SUCLG2: variants seen among roughly 807,000 people sequenced by gnomAD.
SUCLG2 encodes the protein succinate-CoA ligase GDP-forming subunit beta, also known as succinate--CoA ligase [GDP-forming] subunit beta, mitochondrial.
Under a neutral mutation model 47.9 loss-of-function variants are expected in SUCLG2, and 42 were observed. The ratio of observed to expected loss-of-function variants is 0.88; its 90% CI spans 0.69 to 1.14. The LOEUF is 1.14. SUCLG2 is among the 50% of genes most tolerant of loss of function. The pLI, the probability that SUCLG2 is intolerant of heterozygous loss-of-function variation, is 0.00. For synonymous variants in SUCLG2, 195 were observed against 197.3 expected (o/e 0.99, Z 0.10); for missense variants, 571 against 525.9 (o/e 1.09, Z -0.84).
intron 9 of SUCLG2, among the ~76,000 whole-genome samples, chr3:67,464,405 T>C (rs534031975): frequency 2.6e-4 from 40 of 152,348 alleles, no homozygotes; most frequent in African/African-American, 8.9e-4. Context: ...TTCTTTCAAA[T>C]GGGACATCCC....
chr3:67,463,663 C>T (rs1046884485), intron 9 of SUCLG2, among the ~76,000 whole-genome samples: 3 of 152,166 alleles, frequency 2.0e-5, no homozygotes, highest in African/African-American at 7.2e-5. Context: ...TCAAGAGTTC[C>T]TGTTGGTACC....
In SUCLG2 at chr3:67,495,857, C is replaced by T; in HGVS notation, c.1003G>A (p.Gly335Ser). ...GKPANFLDLGGGVKEAQVYQA... is the reference protein window; with the variant it reads ...GKPANFLDLGSGVKEAQVYQA... ...TATACTTGAGCTTCCTTTACACCAC[C>T]TCCAAGATCCAAGAAGTTGGCTGGC... The change falls in exon 9 of 11, where the codon GGT (glycine) becomes AGT (serine). Residue 335 changes from glycine to serine, a missense_variant. By Grantham distance (56) the Gly-to-Ser change is moderately conservative (BLOSUM62 0). Transcript: ENST00000307227. 2.5e-6 allele frequency: 4 copies of T among 1,614,060 alleles called. No homozygotes were observed. Among genetic ancestry groups the T allele is most frequent in the Non-Finnish European group, 3.4e-6 (4 of 1,179,990 alleles).
At chr3:67,441,709 A>T (rs568845223) in intron 9 of SUCLG2, among the ~76,000 whole-genome samples, 14 of 152,348 alleles carry the variant, frequency 9.2e-5, no homozygotes, top group African/African-American at 3.4e-4. Context: ...ACCCAAGATG[A>T]CATTGCTAGA....
At position 67,412,493 on chromosome 3, in the gene SUCLG2, TG is replaced by T. The variant is rs144210306; in HGVS notation, c.1063-11643del. The stretch of plus-strand genomic sequence containing the variant: ...TCTCCACTCTTTTGCAACCTCCTCT[TG>T]GCCCTGGGAGGCTGACTAGAGAGAA... On this transcript the variant is annotated intron_variant, in intron 9 of 10. Coordinates refer to ENST00000307227, the MANE Select transcript of SUCLG2 (RefSeq NM_003848.4). 2.0e-3 allele frequency among the ~76,000 whole-genome samples: 299 copies of T among 152,308 alleles called. 9 individuals carry two copies. In the East Asian group the frequency reaches 0.051, roughly 26 times the overall value.
rs149886200 is a variant in SUCLG2, at chr3:67,365,438, G to A, written c.1184-4670C>T. 7.8e-3 allele frequency among the ~76,000 whole-genome samples: 1,188 copies of A among 152,318 alleles called. 8 individuals are homozygous for A. Among genetic ancestry groups the A allele is most frequent in the Middle Eastern group, 0.034 (10 of 294 alleles). On this transcript the variant is annotated intron_variant, in intron 10 of 10. Coordinates refer to the SUCLG2 transcript ENST00000493112. ...AAAGGACTCAGAGACCATCAGTGAT[G>A]CTACAGTAACAGTGTTAGACAGTGT...
chr3:67,631,234 G>A (rs9882327), intron 1 of SUCLG2, among the ~76,000 whole-genome samples: 11,361 of 152,166 alleles, frequency 0.075, 707 homozygotes, highest in African/African-American at 0.17. Flanking sequence ...CCTGCTAGTC[G>A]TCCTCACTGG....
rs564952123 is a variant in SUCLG2 at position 67,627,673 on chromosome 3, T to A, written c.85-18077A>T. 5.1e-4 allele frequency among the ~76,000 whole-genome samples: 78 copies of A among 152,356 alleles called. 2 individuals are homozygous for A. The South Asian group carries it at 8.7e-3, about 17-fold the overall frequency. On this transcript the variant is annotated intron_variant, in intron 1 of 10. Transcript: ENST00000307227. ...ATAGGGAGACTAAAGGGCTGGCAGATAGAGATGATATCTGCTCCTTTCTAA... is the reference window on the plus strand; with the variant it reads ...ATAGGGAGACTAAAGGGCTGGCAGAAAGAGATGATATCTGCTCCTTTCTAA...
At chr3:67,474,422 T>G (rs1385440403) in intron 9 of SUCLG2, among the ~76,000 whole-genome samples, 1 of 152,212 alleles carries the variant, frequency 6.6e-6, no homozygotes, top group African/African-American at 2.4e-5. Flanking sequence ...GGTCTCATTC[T>G]ATAGATTTCT....
intron 1 of SUCLG2, among the ~76,000 whole-genome samples, chr3:67,633,451 A>C (rs1326738327): frequency 6.6e-6 from 1 of 152,154 alleles, no homozygotes; most frequent in African/African-American, 2.4e-5. Flanking sequence ...TCTAAACCAA[A>C]AGTCAGAGTT....
intron 9 of SUCLG2, among the ~76,000 whole-genome samples, chr3:67,431,885 TAA>T (rs1326681256): frequency 2.0e-5 from 3 of 152,046 alleles, no homozygotes; most frequent in African/African-American, 7.2e-5. Flanking sequence ...TAAAGTATAA[TAA>T]AATAATAAAA....
intron 1 of SUCLG2, among the ~76,000 whole-genome samples, chr3:67,650,064 G>A (rs1473348685): frequency 1.3e-5 from 2 of 152,158 alleles, no homozygotes; most frequent in African/African-American, 2.4e-5. Context: ...CCACAAGGAA[G>A]GTCAATAGTT....
intron 2 of SUCLG2, among the ~76,000 whole-genome samples, chr3:67,535,017 T>C (rs924860325): frequency 5.9e-5 from 9 of 152,062 alleles, no homozygotes; most frequent in African/African-American, 2.2e-4. Flanking sequence ...ATGATATACA[T>C]TGACAGTAAA....
At chr3:67,377,989 C>T (rs906230380) in intron 10 of SUCLG2, among the ~76,000 whole-genome samples, 2 of 152,182 alleles carry the variant, frequency 1.3e-5, no homozygotes, top group Admixed American at 1.3e-4. Flanking sequence ...ACTCCTTCAG[C>T]CTGGATACTT....
chr3:67,644,767 C>A (rs1400174062), intron 1 of SUCLG2, among the ~76,000 whole-genome samples: 1 of 151,850 alleles, frequency 6.6e-6, no homozygotes, highest in African/African-American at 2.4e-5. Context: ...AAATCAAAAA[C>A]AAGGTTTCAG....
intron 2 of SUCLG2, among the ~76,000 whole-genome samples, chr3:67,563,310 T>C (rs1218722816): frequency 1.3e-5 from 2 of 152,170 alleles, no homozygotes; most frequent in African/African-American, 4.8e-5. Flanking sequence ...TCCAAGCCTC[T>C]TGTTCTGACT....
intron 2 of SUCLG2, among the ~76,000 whole-genome samples, chr3:67,538,351 T>C (rs948758774): frequency 6.6e-6 from 1 of 152,206 alleles, no homozygotes; most frequent in Admixed American, 6.5e-5. Flanking sequence ...TTTGTATTTG[T>C]CAGGTTTGTC....
chr3:67,448,743 T>C (rs1430448776), intron 9 of SUCLG2, among the ~76,000 whole-genome samples: 2 of 152,224 alleles, frequency 1.3e-5, no homozygotes, highest in African/African-American at 4.8e-5. Flanking sequence ...CATAAGGACA[T>C]ATAGCTGGTA....
At chr3:67,410,594 T>C (rs974799335) in intron 9 of SUCLG2, among the ~76,000 whole-genome samples, 2 of 152,138 alleles carry the variant, frequency 1.3e-5, no homozygotes, top group African/African-American at 4.8e-5. Context: ...GAATGGCAAA[T>C]GCAACGTTCT....
At chr3:67,587,222 G>A (rs1301779633) in intron 2 of SUCLG2, among the ~76,000 whole-genome samples, 3 of 152,230 alleles carry the variant, frequency 2.0e-5, no homozygotes, top group Middle Eastern at 3.4e-3. Flanking sequence ...GGTGACACTC[G>A]GCTCTGTTTG....
Sources: gnomAD v4.1 joint callset for allele counts (sites outside exome capture counted in the v4.1 genomes callset) on GRCh38, gnomAD v4.1.1 for gene constraint, MANE v1.5 for transcripts, NCBI Gene and HGNC (gene_info 2026-07-23, HGNC 2026-07-21) for gene names.